The following CLIP1 variants were observed in gnomAD, a reference collection of about 807,000 sequenced individuals.
CLIP1 encodes CAP-Gly domain-containing linker protein 1.
In CLIP1, 66 loss-of-function variants were observed where a neutral mutation model predicts 161.6. That is an observed-to-expected ratio of 0.41 (90% CI 0.33 to 0.50). The LOEUF (loss-of-function observed/expected upper bound fraction) is 0.50, where lower values mean the gene tolerates loss of function less well. Ranked by LOEUF, CLIP1 falls within the 20% of genes least tolerant of loss-of-function variation. The pLI is 0.27. For missense variants in CLIP1, 1,376 were observed against 1,702.0 expected (o/e 0.81, Z 3.37); for synonymous variants, 598 against 626.2 (o/e 0.96, Z 0.67).
At chr12:122,317,323 C>G (rs149975679) in intron 18 of CLIP1, among the ~76,000 whole-genome samples, 72 of 152,264 alleles carry the variant, frequency 4.7e-4, no homozygotes, top group African/African-American at 1.6e-3. Context: ...GTCCTCATTA[C>G]AAAAATTATT....
intron 1 of CLIP1, among the ~76,000 whole-genome samples, chr12:122,398,775 G>C (rs1017575989): frequency 6.6e-6 from 1 of 151,972 alleles, no homozygotes. Flanking sequence ...TTCGGAGACT[G>C]AGGTGGGAGG....
In CLIP1 at chr12:122,332,900, A is replaced by G. The variant is rs181682341; in HGVS notation, c.2867+87T>C. 2.3e-4 allele frequency: 247 copies of G among 1,072,366 alleles called. 2 individuals carry two copies. The highest frequency in any genetic ancestry group is 1.2e-3 in the Admixed American group (49 of 39,882). 66.4% of individuals were successfully genotyped at this position (1,072,366 alleles called of 1,614,324 possible). A position where few individuals can be genotyped will look rare whatever the true frequency, so the allele number is the denominator to read the frequency against. On this transcript the variant is annotated intron_variant, in intron 15 of 25. Transcript: ENST00000620786. The stretch of plus-strand genomic sequence containing the variant: ...AGACGGGAAACTTTAAAACGTAACA[A>G]TCCTAAACATTTTGTCTCCCCTCCC...
At chr12:122,331,360 G>A (rs1277610390) in intron 15 of CLIP1, among the ~76,000 whole-genome samples, 1 of 151,598 alleles carries the variant, frequency 6.6e-6, no homozygotes, top group Non-Finnish European at 1.5e-5. Context: ...TGTCACCAAG[G>A]CTGGAGTGCG....
intron 15 of CLIP1, among the ~76,000 whole-genome samples, chr12:122,329,986 G>A (rs546855629): frequency 4.6e-5 from 7 of 152,076 alleles, no homozygotes; most frequent in East Asian, 1.9e-4. Flanking sequence ...GCGTGGTGGC[G>A]CATGCCTGTA....
chr12:122,327,813 C>T lies in CLIP1; in HGVS notation c.3249+134G>A, dbSNP rs113735890. On this transcript the variant is annotated intron_variant, in intron 17 of 25. Coordinates refer to ENST00000620786, the MANE Select transcript of CLIP1 (RefSeq NM_001247997.2). ...GGAAATGTAATGTACCACCCTGCCA[C>T]GCACTCAGAAGGGTAACGTCTGTAG... 250 of 693,810 alleles carry T rather than the reference C, an allele frequency of 3.6e-4. 1 individual carries two copies. Among genetic ancestry groups the T allele is most frequent in the Admixed American group, 2.7e-3 (103 of 38,734 alleles). The allele number at this position is 693,810 out of a possible 1,614,324, so 43.0% of individuals were successfully genotyped here.
chr12:122,395,714 T>C (rs1220680342), intron 1 of CLIP1: 1 of 152,254 alleles, frequency 6.6e-6, no homozygotes, highest in African/African-American at 2.4e-5. Flanking sequence ...ACCAGTCATG[T>C]ACGCATATCT....
At chr12:122,357,255 A>G (rs78569781) in intron 5 of CLIP1, among the ~76,000 whole-genome samples, 118,536 of 150,280 alleles carry the variant, frequency 0.79, 46,969 homozygotes, top group African/African-American at 0.86. Flanking sequence ...CCGCTGCCCC[A>G]TCTGGGATGT....
chr12:122,361,958 A>ATT (rs879595634), intron 4 of CLIP1, among the ~76,000 whole-genome samples: 2 of 146,528 alleles, frequency 1.4e-5, no homozygotes, highest in Admixed American at 6.8e-5. Flanking sequence ...AAAATGTATA[A>ATT]TTTTTTTTTT....
intron 1 of CLIP1, among the ~76,000 whole-genome samples, chr12:122,388,738 G>A (rs1955446321): frequency 6.6e-6 from 1 of 151,944 alleles, no homozygotes; most frequent in African/African-American, 2.4e-5. Flanking sequence ...CCAGGTAATT[G>A]TTTTTTATTT....
chr12:122,333,028 A>C lies in CLIP1; in HGVS notation c.2826T>G (p.Ser942=), dbSNP rs138467187. 1 of 1,613,810 alleles carries C rather than the reference A, an allele frequency of 6.2e-7. No homozygotes were observed. Among genetic ancestry groups the C allele is most frequent in the Non-Finnish European group, 8.5e-7 (1 of 1,179,914 alleles). Residue 942 remains serine, a synonymous_variant, in exon 15 of 26, where the codon TCT becomes TCG. Transcript: ENST00000620786. The part of the protein sequence containing the change: ...EIMKMSGDNS[S]QLTKMNDELR... ...ATTCATCGTTCATTTTTGTCAGCTG[A>C]GAAGAGTTATCTCCTGACATCTTCA...
At chr12:122,407,127 C>A (rs956284178) in intron 1 of CLIP1, among the ~76,000 whole-genome samples, 1 of 152,068 alleles carries the variant, frequency 6.6e-6, no homozygotes, top group Admixed American at 6.6e-5. Context: ...CTTAATGGGT[C>A]GGCAGCAGTC....
In CLIP1 at chr12:122,377,645, G is replaced by A; in HGVS notation, c.401C>T (p.Ala134Val). 6.2e-7 allele frequency: 1 copy of A among 1,613,776 alleles called. No homozygotes were observed. Among genetic ancestry groups the A allele is most frequent in the South Asian group, 1.1e-5 (1 of 91,072 alleles). Reference protein sequence around the residue: ...LTRKVQAEDEANGLQTTPASR... With the variant: ...LTRKVQAEDEVNGLQTTPASR... ...GGCGGGCGTTGTCTGCAGGCCATTA[G>A]CTTCATCTTCTGCTTGCACCTTCCT... The change falls in exon 3 of 26, where the codon GCT (alanine) becomes GTT (valine). Residue 134 changes from alanine (A) to valine (V), a missense_variant. Coordinates refer to ENST00000620786, the MANE Select transcript of CLIP1 (RefSeq NM_001247997.2).
intron 12 of CLIP1, 107 bp downstream of exon 12, chr12:122,336,525 A>C: frequency 1.5e-6 from 1 of 668,338 alleles, no homozygotes; most frequent in Non-Finnish European, 2.6e-6. Flanking sequence ...AGTTGAATCA[A>C]CACTTAGAAA....
At chr12:122,280,783 C>G (rs1046894634) in intron 21 of CLIP1, 9 of 152,210 alleles carry the variant, frequency 5.9e-5, no homozygotes, top group South Asian at 4.1e-4. Context: ...GACAAAAATA[C>G]TTTAGGAAAA....
At chr12:122,383,415 C>T (rs1955096044) in intron 1 of CLIP1, among the ~76,000 whole-genome samples, 1 of 152,176 alleles carries the variant, frequency 6.6e-6, no homozygotes, top group Admixed American at 6.6e-5. Flanking sequence ...AAAATCTGAC[C>T]ATCTTCAAGC....
At chr12:122,341,903 C>T (rs893215292) in intron 10 of CLIP1, 10 of 362,602 alleles carry the variant, frequency 2.8e-5, no homozygotes, top group Non-Finnish European at 3.9e-5. Context: ...CCTGCCTCAG[C>T]CTCCTGAGTA....
In CLIP1 at chr12:122,364,243, C is replaced by CT. The variant is rs1395230161; in HGVS notation, c.658-137dup. 21 of 1,039,158 alleles carry CT rather than the reference C, an allele frequency of 2.0e-5. No individual in the cohort carries two copies. The African/African-American group carries it at 2.9e-4, about 14-fold the overall frequency. The allele number at this position is 1,039,158 out of a possible 1,614,324, so 64.4% of individuals were successfully genotyped here. ...TCTTTGCTTTAGCTTCTCTTTGACTCTAAGAGTTCTCTTGAAGGAAGTCTG... is the reference window on the plus strand; with the variant it reads ...TCTTTGCTTTAGCTTCTCTTTGACTCTTAAGAGTTCTCTTGAAGGAAGTCTG... On this transcript the variant is annotated intron_variant, in intron 3 of 25. Transcript: ENST00000620786.
chr12:122,285,151 T>C (rs1394077178), intron 21 of CLIP1, among the ~76,000 whole-genome samples: 1 of 152,230 alleles, frequency 6.6e-6, no homozygotes, highest in African/African-American at 2.4e-5. Context: ...TCCACCATTA[T>C]ATTTCACTGG....
At chr12:122,306,178 T>C (rs996108162) in intron 20 of CLIP1, among the ~76,000 whole-genome samples, 2 of 151,994 alleles carry the variant, frequency 1.3e-5, no homozygotes, top group African/African-American at 4.8e-5. Context: ...TTCTTCAGCT[T>C]TGGGACTCGA....
Sources: allele counts gnomAD v4.1 joint callset (sites outside exome capture counted in the v4.1 genomes callset), GRCh38; gene constraint gnomAD v4.1.1; transcripts MANE v1.5; gene names NCBI Gene and HGNC (gene_info 2026-07-23, HGNC 2026-07-21).